The following RNF220 variants were observed in gnomAD, a reference collection of about 807,000 sequenced individuals.
RNF220 encodes E3 ubiquitin-protein ligase RNF220.
In RNF220, 7 loss-of-function variants were observed where a neutral mutation model predicts 67.1. The observed-to-expected ratio is 0.10, with a 90% CI of 0.06 to 0.20. RNF220 has a LOEUF of 0.20. Ranked by LOEUF, RNF220 falls within the 10% of genes least tolerant of loss-of-function variation. The probability of loss-of-function intolerance (pLI) is 1.00; values close to 1 mark genes in which losing one functional copy is unlikely to be tolerated. For synonymous variants in RNF220, 270 were observed against 283.2 expected, an observed-to-expected ratio of 0.95 and a Z score of 0.47; for missense variants, 565 against 740.3, an observed-to-expected ratio of 0.76 and a Z score of 2.75.
intron 2 of RNF220, among the ~76,000 whole-genome samples, chr1:44,432,061 C>T (rs1322321482): frequency 6.6e-6 from 1 of 152,180 alleles, no homozygotes; most frequent in Non-Finnish European, 1.5e-5. Context: ...ATTCCCCTTA[C>T]CGTGGCTTCT....
intron 2 of RNF220, among the ~76,000 whole-genome samples, chr1:44,498,439 T>C (rs1230817383): frequency 2.0e-5 from 3 of 152,124 alleles, no homozygotes; most frequent in Non-Finnish European, 2.9e-5. Context: ...CATTATCTAG[T>C]GGTGCTCAAC....
intron 2 of RNF220, among the ~76,000 whole-genome samples, chr1:44,467,292 ACCT>A (rs1465696459): frequency 4.6e-5 from 7 of 151,432 alleles, no homozygotes; most frequent in African/African-American, 1.7e-4. Flanking sequence ...GCTCACTGCA[ACCT>A]CCACCTCCCA....
intron 8 of RNF220, among the ~76,000 whole-genome samples, chr1:44,639,062 A>C (rs1644413228): frequency 6.6e-6 from 1 of 152,220 alleles, no homozygotes; most frequent in South Asian, 2.1e-4. Context: ...CCAACATTCC[A>C]CTAAAAGAGA....
At chr1:44,414,085 C>T (rs1648282746) in intron 2 of RNF220, among the ~76,000 whole-genome samples, 1 of 152,230 alleles carries the variant, frequency 6.6e-6, no homozygotes, top group African/African-American at 2.4e-5. Flanking sequence ...AGGCTGCTGG[C>T]TGACAGCACT....
intron 2 of RNF220, among the ~76,000 whole-genome samples, chr1:44,477,969 C>T (rs1655436664): frequency 6.6e-6 from 1 of 152,118 alleles, no homozygotes; most frequent in Admixed American, 6.6e-5. Flanking sequence ...TCCCAAGACT[C>T]CCCCAGTTTT....
chr1:44,446,924 C>T (rs972444058), intron 2 of RNF220, among the ~76,000 whole-genome samples: 1 of 152,226 alleles, frequency 6.6e-6, no homozygotes, highest in Non-Finnish European at 1.5e-5. Context: ...AACACTGTTT[C>T]ATAGACACAC....
intron 2 of RNF220, among the ~76,000 whole-genome samples, chr1:44,608,719 A>G (rs1667453884): frequency 6.6e-6 from 1 of 152,266 alleles, no homozygotes; most frequent in Non-Finnish European, 1.5e-5. Context: ...AAACCGACAT[A>G]TAAACCAATA....
intron 2 of RNF220, among the ~76,000 whole-genome samples, chr1:44,464,544 G>A (rs1654093297): frequency 6.6e-6 from 1 of 152,208 alleles, no homozygotes; most frequent in Non-Finnish European, 1.5e-5. Context: ...TGAAGACTAA[G>A]CAAGTCATAT....
intron 8 of RNF220, among the ~76,000 whole-genome samples, chr1:44,641,854 A>G (rs149296805): frequency 4.5e-4 from 69 of 152,338 alleles, no homozygotes; most frequent in Middle Eastern, 6.8e-3. Flanking sequence ...CCAGAGGCAG[A>G]GGCCTTTTCT....
At chr1:44,580,108 A>G (rs572676849) in intron 2 of RNF220, among the ~76,000 whole-genome samples, 1 of 151,748 alleles carries the variant, frequency 6.6e-6, no homozygotes, top group Admixed American at 6.6e-5. Flanking sequence ...AGAAAGAAAG[A>G]AGAAATTGTT....
At chr1:44,531,159 G>T (rs1254363539) in intron 2 of RNF220, among the ~76,000 whole-genome samples, 1 of 152,192 alleles carries the variant, frequency 6.6e-6, no homozygotes, top group African/African-American at 2.4e-5. Flanking sequence ...TGACTGGGCT[G>T]CTCTTTGTAG....
At chr1:44,596,064 G>C (rs891743171) in intron 2 of RNF220, among the ~76,000 whole-genome samples, 1 of 152,138 alleles carries the variant, frequency 6.6e-6, no homozygotes, top group African/African-American at 2.4e-5. Flanking sequence ...ATGCCTGGCC[G>C]ATGAGCAAAG....
In RNF220 at chr1:44,651,344, C is replaced by T. The variant is rs557846925; in HGVS notation, c.*569C>T. ...TCTCTCTCTCCTGTGGTGTCCCTTC[C>T]CTCTCCCATGTGCTCGGTGTTCAGT... On this transcript the variant is annotated 3_prime_UTR_variant, in exon 15 of 15. Transcript: ENST00000361799. 1.6e-4 allele frequency: 27 copies of T among 168,712 alleles called. No individual in the cohort carries two copies. Among genetic ancestry groups the T allele is most frequent in the Non-Finnish European group, 2.5e-4 (19 of 76,132 alleles). 10.5% of individuals were successfully genotyped at this position (168,712 alleles called of 1,614,324 possible). A position where few individuals can be genotyped will look rare whatever the true frequency, so the allele number is the denominator to read the frequency against.
Position 44,494,887 on chromosome 1 carries a change from A to G in RNF220, c.625+82165A>G, listed in dbSNP as rs72688078. The stretch of plus-strand genomic sequence containing the variant: ...GAATCACTTCACAATGAAATTTCTA[A>G]GATGCGTGCCTGGGAGTAATGAATA... On this transcript the variant is annotated intron_variant, in intron 2 of 14. Transcript: ENST00000361799. Among the ~76,000 whole-genome samples the G allele has an allele frequency of 4.0e-3, 603 of 152,346 alleles. 2 individuals carry two copies. Among genetic ancestry groups the G allele is most frequent in the Middle Eastern group, 0.01 (3 of 294 alleles).
chr1:44,581,468 C>T (rs1190939668), intron 2 of RNF220, among the ~76,000 whole-genome samples: 2 of 152,208 alleles, frequency 1.3e-5, no homozygotes, highest in African/African-American at 4.8e-5. Flanking sequence ...CTCTTTCCCA[C>T]ACATGCCTGG....
intron 2 of RNF220, among the ~76,000 whole-genome samples, chr1:44,480,766 G>T (rs945481000): frequency 5.9e-5 from 9 of 152,154 alleles, no homozygotes; most frequent in Non-Finnish European, 7.4e-5. Context: ...CACGCCTGCA[G>T]TCCCAGCTAC....
chr1:44,634,071 CT>C (rs1644251871), intron 6 of RNF220, among the ~76,000 whole-genome samples: 1 of 152,220 alleles, frequency 6.6e-6, no homozygotes, highest in African/African-American at 2.4e-5. Context: ...AGGATGGTAG[CT>C]TTCCTTTTGG....
intron 8 of RNF220, among the ~76,000 whole-genome samples, chr1:44,641,741 T>C (rs993100186): frequency 4.6e-5 from 7 of 152,102 alleles, no homozygotes; most frequent in South Asian, 4.1e-4. Context: ...AAGAGTGAAA[T>C]TGGCAGCAGC....
At chr1:44,634,350 T>G (rs926987239) in intron 6 of RNF220, among the ~76,000 whole-genome samples, 2 of 152,268 alleles carry the variant, frequency 1.3e-5, no homozygotes, top group African/African-American at 4.8e-5. Flanking sequence ...TAAAATGGGA[T>G]AATGCAATCT....
Sources: allele counts gnomAD v4.1 joint callset (sites outside exome capture counted in the v4.1 genomes callset), GRCh38; gene constraint gnomAD v4.1.1; transcripts MANE v1.5; gene names NCBI Gene and HGNC (gene_info 2026-07-23, HGNC 2026-07-21).